FIP1L1: variants seen among roughly 807,000 people sequenced by gnomAD.
The protein encoded by FIP1L1 is factor interacting with PAPOLA and CPSF1.
In FIP1L1, 21 loss-of-function variants were observed where a neutral mutation model predicts 84.6. The observed-to-expected ratio is 0.25, with a 90% CI of 0.18 to 0.36. The LOEUF is 0.36. Among genes scored for constraint, FIP1L1 ranks in the 10% least tolerant of loss-of-function variants. The pLI is 1.00. For synonymous variants in FIP1L1, 263 were observed against 242.3 expected, an observed-to-expected ratio of 1.09 and a Z score of -0.80; for missense variants, 526 against 751.1, an observed-to-expected ratio of 0.70 and a Z score of 3.50.
At chr4:53,413,790 C>T (rs1758235540) in intron 10 of FIP1L1, among the ~76,000 whole-genome samples, 1 of 151,918 alleles carries the variant, frequency 6.6e-6, no homozygotes, top group African/African-American at 2.4e-5. Context: ...TTTTTCCTTC[C>T]ATGTTCACTG....
chr4:53,386,749 G>A (rs1161030553), intron 5 of FIP1L1, among the ~76,000 whole-genome samples: 1 of 152,196 alleles, frequency 6.6e-6, no homozygotes, highest in Non-Finnish European at 1.5e-5. Context: ...TATGGAAGGA[G>A]TTAGGATGCT....
At chr4:53,410,219 A>C (rs550564153) in intron 10 of FIP1L1, among the ~76,000 whole-genome samples, 5 of 152,300 alleles carry the variant, frequency 3.3e-5, no homozygotes, top group African/African-American at 1.2e-4. Flanking sequence ...AGAAGACAAC[A>C]CTTCATGAGG....
chr4:53,453,945 A>C (rs1024811874), intron 16 of FIP1L1, among the ~76,000 whole-genome samples: 5 of 152,150 alleles, frequency 3.3e-5, no homozygotes, highest in African/African-American at 1.2e-4. Flanking sequence ...TTTGTATTCA[A>C]ATTTTTACTT....
At chr4:53,378,803 A>G in intron 1 of FIP1L1, 1 of 460,732 alleles carries the variant, frequency 2.2e-6, no homozygotes, top group Middle Eastern at 5.7e-4. Flanking sequence ...AGAATAGAAT[A>G]GTAAAAGTGC....
intron 1 of FIP1L1, 48 bp from the exon 2 acceptor site, chr4:53,379,025 A>G (rs760801766): frequency 1.3e-5 from 21 of 1,572,938 alleles, no homozygotes; most frequent in Non-Finnish European, 1.8e-5. Context: ...TAAAATAAGT[A>G]TCTTGTTAAG....
intron 10 of FIP1L1, among the ~76,000 whole-genome samples, chr4:53,402,078 G>A (rs1056316667): frequency 6.6e-6 from 1 of 152,122 alleles, no homozygotes; most frequent in African/African-American, 2.4e-5. Flanking sequence ...AAAACCCACT[G>A]TATGTCTTGA....
intron 10 of FIP1L1, among the ~76,000 whole-genome samples, chr4:53,404,085 G>A (rs1463218500): frequency 6.6e-6 from 1 of 150,488 alleles, no homozygotes; most frequent in Admixed American, 6.6e-5. Flanking sequence ...ATGTATACAT[G>A]TGCCATGCTG....
chr4:53,445,455 G>A (rs1488866690), intron 15 of FIP1L1, among the ~76,000 whole-genome samples: 6 of 152,188 alleles, frequency 3.9e-5, no homozygotes, highest in Admixed American at 3.3e-4. Context: ...TTATTAACAT[G>A]TATACCTCAT....
chr4:53,436,083 T>G (rs1452713286), intron 13 of FIP1L1, among the ~76,000 whole-genome samples: 1 of 152,246 alleles, frequency 6.6e-6, no homozygotes, highest in Non-Finnish European at 1.5e-5. Flanking sequence ...AAGCGTAGTT[T>G]ACATATTCTG....
At position 53,382,212 on chromosome 4, in the gene FIP1L1, A is replaced by G. The variant is rs1264658749; in HGVS notation, c.171-66A>G. On this transcript the variant is annotated intron_variant, in intron 3 of 17. Coordinates refer to ENST00000337488, the MANE Select transcript of FIP1L1 (RefSeq NM_030917.4). ...AGCTTTATTAAAGCTTAGAAATACT[A>G]ATATAATCTATCTGTACTTCCGAAA... is the stretch of plus-strand genomic sequence containing the variant. 10 of 1,090,850 alleles carry G rather than the reference A, an allele frequency of 9.2e-6. 1 individual carries two copies. The South Asian group carries it at 1.2e-4, about 13-fold the overall frequency. 67.6% of individuals were successfully genotyped at this position (1,090,850 alleles called of 1,614,324 possible). A position where few individuals can be genotyped will look rare whatever the true frequency, so the allele number is the denominator to read the frequency against.
In FIP1L1 at chr4:53,391,765, T is replaced by G. The variant is rs940316861; in HGVS notation, c.705+267T>G. Among the ~76,000 whole-genome samples, 24 of 152,230 alleles carry G rather than the reference T, an allele frequency of 1.6e-4. No homozygotes were observed. The highest frequency in any genetic ancestry group is 1.9e-4 in the East Asian group (1 of 5,200). ...TTCATTTTGAGTCGTAATACATGTT[T>G]GTAGGATAGAAAAGTTAGTGGCAAC... On this transcript the variant is annotated intron_variant, in intron 9 of 17. Coordinates refer to ENST00000337488, the MANE Select transcript of FIP1L1 (RefSeq NM_030917.4).
At chr4:53,429,746 A>C (rs906978162) in intron 13 of FIP1L1, among the ~76,000 whole-genome samples, 1 of 152,134 alleles carries the variant, frequency 6.6e-6, no homozygotes, top group Non-Finnish European at 1.5e-5. Context: ...GATTATGTCT[A>C]CATTGTAGTA....
intron 13 of FIP1L1, among the ~76,000 whole-genome samples, chr4:53,433,359 C>T (rs1767587959): frequency 6.6e-6 from 1 of 152,050 alleles, no homozygotes. Flanking sequence ...TTCTAGGTAC[C>T]TCATATAAGT....
At chr4:53,442,069 T>G (rs540278538) in intron 13 of FIP1L1, among the ~76,000 whole-genome samples, 1 of 152,016 alleles carries the variant, frequency 6.6e-6, no homozygotes, top group Non-Finnish European at 1.5e-5. Flanking sequence ...AGGTACAAAT[T>G]ATATTCCTTC....
At chr4:53,410,233 A>AT (rs1756472121) in intron 10 of FIP1L1, among the ~76,000 whole-genome samples, 3 of 152,286 alleles carry the variant, frequency 2.0e-5, no homozygotes, top group Middle Eastern at 3.4e-3. Context: ...CATGAGGATG[A>AT]TTTTTTTGAT....
intron 13 of FIP1L1, among the ~76,000 whole-genome samples, chr4:53,432,480 T>C (rs1187125088): frequency 6.6e-6 from 1 of 152,010 alleles, no homozygotes; most frequent in Admixed American, 6.6e-5. Flanking sequence ...GAAAATCTGT[T>C]ATTTCATTTT....
chr4:53,442,644 A>G lies in FIP1L1; in HGVS notation c.1175-9A>G, dbSNP rs769863944. Reference sequence around the variant, plus strand: ...TTAACATTTTTTATCTTATGATTGAATGTTTCAGGTTTTCCTCCTCCACCA... The same window carrying G: ...TTAACATTTTTTATCTTATGATTGAGTGTTTCAGGTTTTCCTCCTCCACCA... On this transcript the variant is annotated splice_polypyrimidine_tract_variant and intron_variant, in intron 13 of 17. Coordinates refer to ENST00000337488, the MANE Select transcript of FIP1L1 (RefSeq NM_030917.4). The G allele has an allele frequency of 6.3e-7, 1 of 1,589,778 alleles. No homozygotes were observed. The highest frequency in any genetic ancestry group is 8.6e-7 in the Non-Finnish European group (1 of 1,158,584).
Position 53,425,890 on chromosome 4 carries a change from T to C in FIP1L1, c.942T>C (p.Ile314=), listed in dbSNP as rs776397128. The C allele has an allele frequency of 6.2e-7, 1 of 1,610,768 alleles. No individual in the cohort carries two copies. Among genetic ancestry groups the C allele is most frequent in the South Asian group, 1.1e-5 (1 of 90,700 alleles). The part of the protein sequence containing the change: ...SPDLRRLPGA[I]DVIGQTITIS... ...GTTACAGGAGATTACCTGGGGCAAT[T>C]GATGTTATCGGTCAGACTATAACTA... The change falls in exon 12 of 18, where the codon ATT becomes ATC. Residue 314 remains isoleucine, a synonymous_variant. Coordinates refer to ENST00000337488, the MANE Select transcript of FIP1L1 (RefSeq NM_030917.4).
At chr4:53,447,181 T>G (rs1443055176) in intron 15 of FIP1L1, among the ~76,000 whole-genome samples, 2 of 152,110 alleles carry the variant, frequency 1.3e-5, no homozygotes, top group African/African-American at 4.8e-5. Flanking sequence ...GTTTATCACC[T>G]TATTTCTTGA....
Sources: gnomAD v4.1 joint callset for allele counts (sites outside exome capture counted in the v4.1 genomes callset) on GRCh38, gnomAD v4.1.1 for gene constraint, MANE v1.5 for transcripts, NCBI Gene and HGNC (gene_info 2026-07-23, HGNC 2026-07-21) for gene names.